Variants in VPS13D observed in about 807,000 individuals in gnomAD.
The protein encoded by VPS13D is vacuolar protein sorting 13 homolog D.
VPS13D carries 187 observed loss-of-function variants against 461.9 expected under a neutral mutation model. The observed-to-expected ratio is 0.40, with a 90% CI of 0.36 to 0.46. VPS13D has a LOEUF of 0.46. VPS13D is among the 20% of genes least tolerant of loss of function. VPS13D has a pLI of 0.60. For synonymous variants in VPS13D, 1,951 were observed against 1,986.3 expected (o/e 0.98, Z 0.47); for missense variants, 4,711 against 5,364.9 (o/e 0.88, Z 3.81).
intron 67 of VPS13D, among the ~76,000 whole-genome samples, chr1:12,483,175 ACTC>A (rs1645747487): frequency 6.6e-6 from 1 of 152,160 alleles, no homozygotes. Context: ...GAGAGGACTG[ACTC>A]CTCCAGCCGT....
At chr1:12,405,680 AT>A (rs762497167) in intron 63 of VPS13D, among the ~76,000 whole-genome samples, 12 of 152,306 alleles carry the variant, frequency 7.9e-5, no homozygotes, top group Non-Finnish European at 1.3e-4. Flanking sequence ...GGGGAAAACC[AT>A]GGGAAAACCA....
In VPS13D at chr1:12,500,193, T is replaced by C. The variant is rs986430064; in HGVS notation, c.12794+2562T>C. ...TAATTTTGTCATTCTATTTAATTAA[T>C]TAATATTAAAAAGATAGTTACCAAC... On this transcript the variant is annotated intron_variant, in intron 68 of 69. Transcript: ENST00000620676. 4.1e-6 allele frequency: 4 copies of C among 984,386 alleles called. No homozygotes were observed. The African/African-American group carries it at 7.0e-5, about 17-fold the overall frequency. The allele number at this position is 984,386 out of a possible 1,614,324, so 61.0% of individuals were successfully genotyped here. A position where few individuals can be genotyped will look rare whatever the true frequency, so the allele number is the denominator to read the frequency against.
rs72868246 is a variant in VPS13D, at chr1:12,390,022, G to A, written c.11634+3688G>A. Among the ~76,000 whole-genome samples the A allele has an allele frequency of 4.1e-3, 622 of 152,334 alleles. 4 individuals are homozygous for A. The highest frequency in any genetic ancestry group is 0.014 in the African/African-American group (585 of 41,570). ...TAGCCTCTTGACCTAAAGTTAGGCG[G>A]AGCCCAAAGTGTCCAGGTGGTAATC... On this transcript the variant is annotated intron_variant, in intron 60 of 69. Transcript: ENST00000620676.
intron 7 of VPS13D, 63 bp downstream of exon 7, chr1:12,253,889 T>C (rs1403295673): frequency 1.5e-6 from 2 of 1,324,394 alleles, no homozygotes; most frequent in Non-Finnish European, 2.2e-6. Context: ...GTAGGGTCAC[T>C]GCCACGGGGG....
chr1:12,271,078 C>A lies in VPS13D; in HGVS notation c.2057C>A (p.Ala686Glu), dbSNP rs1557676743. The A allele has an allele frequency of 6.2e-7, 1 of 1,613,996 alleles. No individual in the cohort carries two copies. The highest frequency in any genetic ancestry group is 8.5e-7 in the Non-Finnish European group (1 of 1,179,978). The change falls in exon 17 of 70, where the codon GCA becomes GAA. Residue 686 changes from alanine (A) to glutamate (E), a missense_variant. By Grantham distance (107) the Ala-to-Glu change is moderately radical. Around this residue, in one of 3 missense-constraint regions of VPS13D, gnomAD observed 4,411 missense variants for 4,937.8 expected, o/e 0.89. Transcript: ENST00000620676. ...QYNKLKMQTK[A>E]EIRQTLDRLL... is the part of the protein sequence containing the mutation. ...AACAAGCTGAAGATGCAGACCAAGGCAGAAATCCGGCAAACTCTTGATCGT... is the reference window on the plus strand; with the variant it reads ...AACAAGCTGAAGATGCAGACCAAGGAAGAAATCCGGCAAACTCTTGATCGT...
At chr1:12,249,171 G>T in intron 5 of VPS13D, 52 bp from the exon 6 acceptor site, 4 of 1,395,892 alleles carry the variant, frequency 2.9e-6, no homozygotes, top group Admixed American at 4.0e-5. Context: ...TCTTTTCTTT[G>T]GAACACTATT....
chr1:12,345,542 C>T (rs767544786), intron 43 of VPS13D, 33 bp downstream of exon 43: 20 of 1,591,438 alleles, frequency 1.3e-5, no homozygotes, highest in African/African-American at 6.7e-5. Flanking sequence ...GATGGTTAAG[C>T]GACTGTCAGG....
chr1:12,318,110 A>G lies in VPS13D; in HGVS notation c.7187A>G (p.Asn2396Ser). The change falls in exon 31 of 70, where the codon AAC becomes AGC. Residue 2396 changes from asparagine to serine, a missense_variant. Transcript: ENST00000620676. ...TCCTCCTGCTTTACAGTAGTTCTCAACAATCTCCGTGTGTTTCTCATATTT... is the reference window on the plus strand; with the variant it reads ...TCCTCCTGCTTTACAGTAGTTCTCAGCAATCTCCGTGTGTTTCTCATATTT... ...KDSSCFTVVL[N>S]NLRVFLIFDW... 6.2e-7 allele frequency: 1 copy of G among 1,614,012 alleles called. No individual in the cohort carries two copies. Among genetic ancestry groups the G allele is most frequent in the Non-Finnish European group, 8.5e-7 (1 of 1,179,914 alleles).
intron 23 of VPS13D, 117 bp from the exon 24 acceptor site, chr1:12,293,407 T>G: frequency 1.0e-6 from 1 of 1,000,328 alleles, no homozygotes; most frequent in Non-Finnish European, 1.4e-6. Context: ...TAATTTTGGA[T>G]TTCCATTTAA....
chr1:12,390,853 C>T (rs1644415091), intron 60 of VPS13D, among the ~76,000 whole-genome samples: 1 of 152,180 alleles, frequency 6.6e-6, no homozygotes, highest in Non-Finnish European at 1.5e-5. Flanking sequence ...GTTCATAGTC[C>T]CAGTGGGCGA....
rs1212107326 is a variant in VPS13D at position 12,401,692 on chromosome 1, C to T, written c.11869C>T (p.Gln3957Ter). The T allele has an allele frequency of 6.2e-7, 1 of 1,612,978 alleles. No individual in the cohort carries two copies. Among genetic ancestry groups the T allele is most frequent in the Non-Finnish European group, 8.5e-7 (1 of 1,179,082 alleles). ...GCTGCTAAGTTTCTTTGGCTACGAT[C>T]AAGCAGAATCAGGTAATGTTGAATG... Reference protein sequence around the residue: ...LKLLSFFGYDQAESEVEKYDE... With the variant: ...LKLLSFFGYD Residue 3957 changes from glutamine (Q) to a stop codon, truncating the protein, a stop_gained, in exon 62 of 70, where the codon CAA becomes TAA. Coordinates refer to ENST00000620676, the MANE Select transcript of VPS13D (RefSeq NM_015378.4). LOFTEE classifies it high-confidence loss of function.
At position 12,493,927 on chromosome 1, in the gene VPS13D, G is replaced by C. The variant is rs139499496; in HGVS notation, c.12663-3573G>C. Among the ~76,000 whole-genome samples, 36 of 152,338 alleles carry C rather than the reference G, an allele frequency of 2.4e-4. No individual in the cohort carries two copies. The East Asian group carries it at 6.7e-3, about 29-fold the overall frequency. ...AAGAAAGAAGAGTTTTTCAGGCACT[G>C]ACATTGATGAGGTGATACAGGAGTG... is the stretch of plus-strand genomic sequence containing the variant. On this transcript the variant is annotated intron_variant, in intron 67 of 69. Transcript: ENST00000620676.
chr1:12,321,633 C>G (rs970084754), intron 32 of VPS13D, among the ~76,000 whole-genome samples, 176 bp from the exon 33 acceptor site: 1 of 152,102 alleles, frequency 6.6e-6, no homozygotes, highest in African/African-American at 2.4e-5. Context: ...TGAACCACTG[C>G]GTGTGCTCTC....
At chr1:12,360,485 G>A (rs1643932023) in intron 50 of VPS13D, among the ~76,000 whole-genome samples, 1 of 152,154 alleles carries the variant, frequency 6.6e-6, no homozygotes, top group Non-Finnish European at 1.5e-5. Flanking sequence ...TGTGAAGGGG[G>A]AAAGAAGCCC....
chr1:12,313,325 T>A (rs529487443), intron 29 of VPS13D, among the ~76,000 whole-genome samples: 51 of 143,846 alleles, frequency 3.5e-4, no homozygotes, highest in African/African-American at 1.2e-3. Context: ...TTTTTTTTTT[T>A]AAGACAGAAT....
intron 1 of VPS13D, 104 bp from the exon 2 acceptor site, chr1:12,234,087 A>C (rs531460666): frequency 3.8e-4 from 191 of 507,350 alleles, no homozygotes; most frequent in African/African-American, 3.4e-3. Context: ...ACCCAACAAA[A>C]CATCTGTGCT....
intron 69 of VPS13D, 135 bp from the exon 70 acceptor site, chr1:12,508,758 C>G (rs1446368753): frequency 1.8e-5 from 17 of 948,464 alleles, no homozygotes; most frequent in South Asian, 1.4e-4. Flanking sequence ...AGGAGCAGCC[C>G]TGGCCATCAC....
chr1:12,436,895 C>T (rs546768960), intron 65 of VPS13D, among the ~76,000 whole-genome samples: 5 of 152,148 alleles, frequency 3.3e-5, no homozygotes, highest in Admixed American at 1.3e-4. Flanking sequence ...CTCGAACTCC[C>T]GACCTCAGGT....
intron 6 of VPS13D, among the ~76,000 whole-genome samples, chr1:12,250,324 A>G (rs1427692071): frequency 1.3e-5 from 2 of 152,202 alleles, no homozygotes; most frequent in African/African-American, 4.8e-5. Flanking sequence ...GAGCCTGTCT[A>G]GGGACCCCAA....
Sources: allele counts gnomAD v4.1 joint callset (sites outside exome capture counted in the v4.1 genomes callset), GRCh38; gene constraint gnomAD v4.1.1; regional missense constraint gnomAD v4.1.1; transcripts MANE v1.5; gene names NCBI Gene and HGNC (gene_info 2026-07-23, HGNC 2026-07-21).